CCDC181: variants seen among roughly 807,000 people sequenced by gnomAD.
CCDC181 encodes the protein coiled-coil domain-containing protein 181.
In CCDC181, 35 loss-of-function variants were observed where a neutral mutation model predicts 58.7. The observed-to-expected ratio is 0.60, with a 90% CI of 0.46 to 0.79. The LOEUF is 0.79. CCDC181 is among the 30% of genes least tolerant of loss of function. The pLI is 0.00. For synonymous variants in CCDC181, 183 were observed against 197.5 expected, an observed-to-expected ratio of 0.93 and a Z score of 0.62; for missense variants, 517 against 583.9, an observed-to-expected ratio of 0.89 and a Z score of 1.18.
chr1:169,394,905 A>T lies in CCDC181; in HGVS notation c.*142T>A. On this transcript the variant is annotated 3_prime_UTR_variant, in exon 6 of 6. Transcript: ENST00000367806. ...GTGAGAAAAAAATTTATTTTGTTCT[A>T]GTATTAAAAAAACAAATTCACTGTC... The T allele has an allele frequency of 2.9e-6, 2 of 695,708 alleles. No homozygotes were observed. Among genetic ancestry groups the T allele is most frequent in the South Asian group, 2.8e-5 (1 of 36,098 alleles). 43.1% of individuals were successfully genotyped at this position (695,708 alleles called of 1,614,324 possible).
intron 2 of CCDC181, among the ~76,000 whole-genome samples, chr1:169,423,204 G>C (rs1024104639): frequency 6.6e-6 from 1 of 151,776 alleles, no homozygotes; most frequent in African/African-American, 2.4e-5. Flanking sequence ...CTGTGTGATA[G>C]TGAAGGTCAT....
rs567643312 is a variant in CCDC181, at chr1:169,424,979, G to A, written c.-23-29C>T. 17 of 1,076,000 alleles carry A rather than the reference G, an allele frequency of 1.6e-5. No individual in the cohort carries two copies. In the African/African-American group the frequency reaches 2.2e-4, roughly 14 times the overall value. The allele number at this position is 1,076,000 out of a possible 1,614,324, so 66.7% of individuals were successfully genotyped here. ...TAAGATTTTAAAAGATAAGGTATATGTTATGCCCACTCTAGAGGAGGAATG... is the reference window on the plus strand; with the variant it reads ...TAAGATTTTAAAAGATAAGGTATATATTATGCCCACTCTAGAGGAGGAATG... On this transcript the variant is annotated intron_variant, in intron 1 of 5. Transcript: ENST00000367806.
At chr1:169,402,451 G>A (rs889066161) in intron 4 of CCDC181, among the ~76,000 whole-genome samples, 11 of 152,208 alleles carry the variant, frequency 7.2e-5, no homozygotes, top group East Asian at 1.9e-4. Flanking sequence ...GACTAACAGC[G>A]GATCTCTCGG....
chr1:169,454,771 A>C (rs1418642622), intron 2 of CCDC181, among the ~76,000 whole-genome samples: 1 of 152,012 alleles, frequency 6.6e-6, no homozygotes, highest in Non-Finnish European at 1.5e-5. Context: ...TGACCTACCT[A>C]TTCCATCTCC....
intron 4 of CCDC181, among the ~76,000 whole-genome samples, chr1:169,402,616 T>C (rs984794584): frequency 6.6e-6 from 1 of 152,136 alleles, no homozygotes; most frequent in Non-Finnish European, 1.5e-5. Context: ...TGAGAGATTT[T>C]GTCACCACCA....
intron 2 of CCDC181, among the ~76,000 whole-genome samples, chr1:169,458,474 C>G (rs1205529513): frequency 6.6e-6 from 1 of 152,090 alleles, no homozygotes; most frequent in Non-Finnish European, 1.5e-5. Context: ...AAAAGGCACA[C>G]AGGGGAAATC....
chr1:169,451,002 TA>T (rs1253460636), intron 2 of CCDC181: 2 of 152,200 alleles, frequency 1.3e-5, no homozygotes, highest in Non-Finnish European at 2.9e-5. Flanking sequence ...GCAGAATACA[TA>T]CCACATAAGT....
chr1:169,404,954 A>G (rs529689995), intron 4 of CCDC181, among the ~76,000 whole-genome samples: 1 of 152,364 alleles, frequency 6.6e-6, no homozygotes, highest in East Asian at 1.9e-4. Flanking sequence ...AAGCAACTTC[A>G]GCAAAATCTC....
chr1:169,460,292 G>A (rs921275717), exon 1 of CCDC181: 1 of 152,258 alleles, frequency 6.6e-6, no homozygotes, highest in African/African-American at 2.4e-5. Flanking sequence ...TTTGGCGTGG[G>A]TTTTGGAGGA....
chr1:169,426,723 AAGT>A (rs1485952553), intron 1 of CCDC181, among the ~76,000 whole-genome samples: 2 of 152,354 alleles, frequency 1.3e-5, no homozygotes, highest in East Asian at 3.8e-4. Flanking sequence ...TTTTAATATA[AAGT>A]AAGTACTTAA....
intron 4 of CCDC181, among the ~76,000 whole-genome samples, chr1:169,411,886 A>G (rs1211957423): frequency 5.9e-5 from 9 of 152,346 alleles, no homozygotes; most frequent in African/African-American, 2.2e-4. Context: ...TCTCAAAATA[A>G]TAAGAGCTAT....
chr1:169,396,991 TTAAG>T (rs906458374), intron 5 of CCDC181, among the ~76,000 whole-genome samples: 1 of 151,776 alleles, frequency 6.6e-6, no homozygotes, highest in Non-Finnish European at 1.5e-5. Flanking sequence ...AAGAAATAAT[TTAAG>T]TATTGAAAAG....
chr1:169,403,685 C>T (rs1180929055), intron 4 of CCDC181, among the ~76,000 whole-genome samples: 1 of 152,146 alleles, frequency 6.6e-6, no homozygotes, highest in African/African-American at 2.4e-5. Context: ...ATTTATAGCA[C>T]TAAATGCCCA....
intron 2 of CCDC181, among the ~76,000 whole-genome samples, chr1:169,433,896 A>T (rs905320670): frequency 6.6e-6 from 1 of 152,102 alleles, no homozygotes; most frequent in Non-Finnish European, 1.5e-5. Context: ...GCAAAAGCAC[A>T]TGCAAAAGTA....
intron 2 of CCDC181, among the ~76,000 whole-genome samples, chr1:169,435,396 A>G (rs1420836605): frequency 1.3e-5 from 2 of 152,156 alleles, no homozygotes; most frequent in East Asian, 3.9e-4. Flanking sequence ...TATGAATTAT[A>G]TGTCAACAAA....
chr1:169,423,505 A>G (rs1656583746), intron 2 of CCDC181, among the ~76,000 whole-genome samples: 1 of 151,944 alleles, frequency 6.6e-6, no homozygotes, highest in South Asian at 2.1e-4. Flanking sequence ...TCTCTAGCTC[A>G]GTCATCCCCT....
chr1:169,451,098 G>A (rs1350238528), intron 2 of CCDC181: 1 of 152,070 alleles, frequency 6.6e-6, no homozygotes, highest in African/African-American at 2.4e-5. Context: ...AATGAGTGGG[G>A]GAACATTACA....
At chr1:169,414,716 C>A (rs1656134239) in intron 4 of CCDC181, among the ~76,000 whole-genome samples, 1 of 152,174 alleles carries the variant, frequency 6.6e-6, no homozygotes, top group South Asian at 2.1e-4. Flanking sequence ...TAAAAAAGGT[C>A]ATTCCACAAT....
chr1:169,406,283 C>A (rs1344228098), intron 4 of CCDC181, among the ~76,000 whole-genome samples: 1 of 152,164 alleles, frequency 6.6e-6, no homozygotes, highest in African/African-American at 2.4e-5. Context: ...TTGACCCAGC[C>A]ATCCCATTAC....
Sources: allele counts gnomAD v4.1 joint callset (sites outside exome capture counted in the v4.1 genomes callset), GRCh38; gene constraint gnomAD v4.1.1; transcripts MANE v1.5; gene names NCBI Gene and HGNC (gene_info 2026-07-23, HGNC 2026-07-21).